WDPCP: variants seen among roughly 807,000 people sequenced by gnomAD.
WDPCP encodes the protein WD repeat containing planar cell polarity effector, also known as WD repeat-containing and planar cell polarity effector protein fritz homolog.
In WDPCP, 71 loss-of-function variants were observed where a neutral mutation model predicts 93.1. The ratio of observed to expected loss-of-function variants is 0.76; its 90% confidence interval spans 0.63 to 0.93. The LOEUF is 0.93. Ranked by LOEUF, WDPCP falls within the 40% of genes least tolerant of loss-of-function variation. The probability of loss-of-function intolerance (pLI) is 0.00; values close to 1 mark genes in which losing one functional copy is unlikely to be tolerated. For missense variants in WDPCP, 844 were observed against 887.4 expected (o/e 0.95, Z 0.62); for synonymous variants, 315 against 315.0 (o/e 1.00, Z 0.00).
chr2:63,498,701 G>C (rs1049145148), intron 1 of WDPCP, among the ~76,000 whole-genome samples: 1 of 152,118 alleles, frequency 6.6e-6, no homozygotes, highest in African/African-American at 2.4e-5. Context: ...GCAGTTCCCC[G>C]GTTTCTTAAG....
At chr2:63,252,904 C>G (rs1433790528) in intron 14 of WDPCP, among the ~76,000 whole-genome samples, 1 of 151,910 alleles carries the variant, frequency 6.6e-6, no homozygotes, top group African/African-American at 2.4e-5. Context: ...AGAAATAGAA[C>G]AAAAACCATT....
intron 2 of WDPCP, among the ~76,000 whole-genome samples, chr2:63,708,018 G>A (rs907325802): frequency 6.6e-5 from 10 of 152,132 alleles, no homozygotes; most frequent in African/African-American, 2.4e-4. Flanking sequence ...CCAGCTGTAT[G>A]AGGTGTCAGT....
intron 6 of WDPCP, among the ~76,000 whole-genome samples, chr2:63,469,144 G>A (rs1232975072): frequency 6.6e-6 from 1 of 152,074 alleles, no homozygotes. Flanking sequence ...AAACCACAAT[G>A]AGATATCATC....
chr2:63,354,375 GAACATA>G (rs974811041), intron 12 of WDPCP, among the ~76,000 whole-genome samples: 1 of 152,238 alleles, frequency 6.6e-6, no homozygotes, highest in South Asian at 2.1e-4. Context: ...GTTGGGGAAG[GAACATA>G]AACACTGAGA....
intron 10 of WDPCP, among the ~76,000 whole-genome samples, chr2:63,392,084 C>A (rs1425125344): frequency 6.6e-6 from 1 of 152,162 alleles, no homozygotes; most frequent in Non-Finnish European, 1.5e-5. Context: ...CCAAGACAAT[C>A]CTAAGCAAAA....
chr2:63,319,426 C>A (rs1686920008), intron 12 of WDPCP, among the ~76,000 whole-genome samples: 1 of 152,120 alleles, frequency 6.6e-6, no homozygotes, highest in African/African-American at 2.4e-5. Flanking sequence ...ATCAGACTAC[C>A]ATCACTGTGT....
chr2:63,587,646 A>C (rs1708953799), intron 1 of WDPCP, among the ~76,000 whole-genome samples: 1 of 152,230 alleles, frequency 6.6e-6, no homozygotes, highest in Non-Finnish European at 1.5e-5. Context: ...TTTAACATCC[A>C]CAAGAAACAA....
intron 1 of WDPCP, among the ~76,000 whole-genome samples, chr2:63,516,858 T>G (rs1423127012): frequency 2.0e-5 from 3 of 152,078 alleles, no homozygotes; most frequent in Non-Finnish European, 4.4e-5. Context: ...CACAAACTCT[T>G]TTTCCTTTCC....
intron 12 of WDPCP, among the ~76,000 whole-genome samples, chr2:63,318,931 A>G (rs1686874275): frequency 6.6e-6 from 1 of 152,226 alleles, no homozygotes. Context: ...CTAAAAGTGC[A>G]AGAAAAAAAG....
In WDPCP at chr2:63,359,274, C is replaced by T. The variant is rs564862956; in HGVS notation, c.1748+19112G>A. Among the ~76,000 whole-genome samples, 8 of 152,336 alleles carry T rather than the reference C, an allele frequency of 5.3e-5. No homozygotes were observed. In the South Asian group the frequency reaches 1.2e-3, roughly 24 times the overall value. On this transcript the variant is annotated intron_variant, in intron 12 of 17. Coordinates refer to ENST00000272321, the MANE Select transcript of WDPCP (RefSeq NM_015910.7). Reference sequence around the variant, plus strand: ...TGCAATATTTCTCTCATGCTTAAGACGTGCAACCTTGCATTTCCAAGGAAA... The same window carrying T: ...TGCAATATTTCTCTCATGCTTAAGATGTGCAACCTTGCATTTCCAAGGAAA...
chr2:63,530,079 T>C (rs1234735894), intron 1 of WDPCP, among the ~76,000 whole-genome samples: 2 of 152,186 alleles, frequency 1.3e-5, no homozygotes, highest in Non-Finnish European at 2.9e-5. Flanking sequence ...ATCTGTTTGA[T>C]TTTTCTCTCT....
At position 63,433,903 on chromosome 2, in the gene WDPCP, T is replaced by C; in HGVS notation, c.667A>G (p.Lys223Glu). ...FYYEIPGPINKTTERHLAINC... is the reference protein window; with the variant it reads ...FYYEIPGPINETTERHLAINC... ...ATAGCTAGATGTCGCTCTGTTGTCT[T>C]GTTTATTGGGCCGGGTATTTCATAA... Residue 223 changes from lysine to glutamate, a missense_variant, in exon 9 of 18, where the codon AAG becomes GAG. Coordinates refer to ENST00000272321, the MANE Select transcript of WDPCP (RefSeq NM_015910.7). 1 of 1,613,968 alleles carries C rather than the reference T, an allele frequency of 6.2e-7. No homozygotes were observed. Among genetic ancestry groups the C allele is most frequent in the South Asian group, 1.1e-5 (1 of 91,064 alleles).
intron 3 of WDPCP, among the ~76,000 whole-genome samples, chr2:63,618,337 G>A (rs1438682685): frequency 6.6e-6 from 1 of 152,164 alleles, no homozygotes; most frequent in African/African-American, 2.4e-5. Flanking sequence ...ATAGCTTAAC[G>A]GGAAGTACAA....
intron 2 of WDPCP, among the ~76,000 whole-genome samples, chr2:63,767,762 T>C (rs186715625): frequency 3.3e-5 from 5 of 152,262 alleles, no homozygotes; most frequent in African/African-American, 1.2e-4. Context: ...ATATGTGATA[T>C]GCAAATATTT....
intron 2 of WDPCP, among the ~76,000 whole-genome samples, chr2:63,671,011 G>A (rs1710339500): frequency 6.6e-6 from 1 of 152,036 alleles, no homozygotes; most frequent in African/African-American, 2.4e-5. Context: ...AATGAAAGAG[G>A]GGAATCCCAC....
chr2:63,721,534 T>TA (rs1184394485), intron 2 of WDPCP, among the ~76,000 whole-genome samples: 6 of 152,208 alleles, frequency 3.9e-5, no homozygotes, highest in South Asian at 2.1e-4. Context: ...GTGTCTTTTT[T>TA]AAAAAAATAT....
chr2:63,667,086 G>A (rs976078429), intron 2 of WDPCP, among the ~76,000 whole-genome samples: 1 of 152,158 alleles, frequency 6.6e-6, no homozygotes, highest in Admixed American at 6.5e-5. Context: ...GATTTCAGGG[G>A]TGCATACATA....
chr2:63,772,901 T>C (rs1324075005), intron 2 of WDPCP, among the ~76,000 whole-genome samples: 1 of 152,052 alleles, frequency 6.6e-6, no homozygotes, highest in Non-Finnish European at 1.5e-5. Context: ...AGGATGCCTA[T>C]TGTCACCACT....
At chr2:63,307,673 G>A (rs1208363602) in intron 13 of WDPCP, among the ~76,000 whole-genome samples, 1 of 152,134 alleles carries the variant, frequency 6.6e-6, no homozygotes, top group Non-Finnish European at 1.5e-5. Flanking sequence ...TGGGAAAATT[G>A]GCTAGCTATG....
Sources: allele counts gnomAD v4.1 joint callset (sites outside exome capture counted in the v4.1 genomes callset), GRCh38; gene constraint gnomAD v4.1.1; transcripts MANE v1.5; gene names NCBI Gene and HGNC (gene_info 2026-07-23, HGNC 2026-07-21).